Variants in CAST observed in about 807,000 individuals in gnomAD.
CAST encodes the protein MIR583 host.
In CAST, 76 loss-of-function variants were observed where a neutral mutation model predicts 119.6. The observed-to-expected ratio is 0.64, with a 90% confidence interval of 0.53 to 0.77. CAST has a LOEUF of 0.77. Ranked by LOEUF, CAST falls within the 30% of genes least tolerant of loss-of-function variation. The pLI, the probability that CAST is intolerant of heterozygous loss-of-function variation, is 0.00. For missense variants in CAST, 953 were observed against 946.5 expected (o/e 1.01, Z -0.09); for synonymous variants, 319 against 331.6 (o/e 0.96, Z 0.41).
chr5:96,391,120 A>G, the CAST span: 2 of 152,196 alleles, frequency 1.3e-5, no homozygotes, highest in South Asian at 4.1e-4. Flanking sequence ...AACACTTCAT[A>G]TCAAACAATA....
At chr5:96,499,099 G>T in the CAST span, among the ~76,000 whole-genome samples, 2 of 150,214 alleles carry the variant, frequency 1.3e-5, no homozygotes, top group African/African-American at 4.9e-5. Context: ...AAACTAAAAT[G>T]AAAATAAAAT....
intron 20 of CAST, among the ~76,000 whole-genome samples, chr5:96,751,668 A>G (rs13185207): frequency 6.6e-6 from 1 of 152,166 alleles, no homozygotes; most frequent in Non-Finnish European, 1.5e-5. Flanking sequence ...TCTGGTGAAG[A>G]AAGCAGGCAA....
chr5:96,382,187 G>A, the CAST span, among the ~76,000 whole-genome samples: 1 of 152,078 alleles, frequency 6.6e-6, no homozygotes, highest in Non-Finnish European at 1.5e-5. Flanking sequence ...TCTTTCCATA[G>A]GATTCTGTTC....
At chr5:96,321,723 A>C in the CAST span, among the ~76,000 whole-genome samples, 1 of 152,224 alleles carries the variant, frequency 6.6e-6, no homozygotes, top group South Asian at 2.1e-4. Flanking sequence ...GCTAGATTTG[A>C]ATTCTTAGCT....
At chr5:96,565,077 GGTGTGTGT>G (rs61240765) in intron 1 of CAST, among the ~76,000 whole-genome samples, 1 of 148,642 alleles carries the variant, frequency 6.7e-6, no homozygotes, top group Non-Finnish European at 1.5e-5. Flanking sequence ...ACATGGGAAA[GGTGTGTGT>G]GTGTGTGTGT....
the CAST span, among the ~76,000 whole-genome samples, chr5:96,157,627 C>T: frequency 2.6e-5 from 4 of 152,248 alleles, no homozygotes; most frequent in South Asian, 2.1e-4. Flanking sequence ...CTGTTAGCAA[C>T]GGAATTATTC....
At chr5:96,729,043 TTTCCTG>T in intron 6 of CAST, 104 bp from the exon 7 acceptor site, 1 of 708,272 alleles carries the variant, frequency 1.4e-6, no homozygotes, top group South Asian at 1.8e-5. Flanking sequence ...TAAGCGGGCT[TTTCCTG>T]AAAAAGGCAG....
chr5:96,007,828 C>T, the CAST span, among the ~76,000 whole-genome samples: 2 of 7,478 alleles, frequency 2.7e-4, 1 homozygote, highest in Non-Finnish European at 3.5e-4. Flanking sequence ...ATGGCGTGAA[C>T]CCGGGAGGCG....
At chr5:96,230,792 C>T in the CAST span, among the ~76,000 whole-genome samples, 1 of 152,080 alleles carries the variant, frequency 6.6e-6, no homozygotes, top group Non-Finnish European at 1.5e-5. Flanking sequence ...ACTCCTACAA[C>T]TCCAAAAAGA....
At chr5:96,276,300 G>A in the CAST span, among the ~76,000 whole-genome samples, 3 of 152,116 alleles carry the variant, frequency 2.0e-5, no homozygotes, top group Non-Finnish European at 4.4e-5. Flanking sequence ...TTGATATTGG[G>A]CCTCTGAACT....
At chr5:96,270,814 G>A in the CAST span, among the ~76,000 whole-genome samples, 31 of 150,426 alleles carry the variant, frequency 2.1e-4, no homozygotes, top group African/African-American at 6.4e-4. Flanking sequence ...CATGGCACAC[G>A]TTTACCTATG....
chr5:96,459,019 T>C, the CAST span, among the ~76,000 whole-genome samples: 1 of 152,138 alleles, frequency 6.6e-6, no homozygotes. Context: ...AGAGACTAAA[T>C]GTGTAAATTT....
the CAST span, among the ~76,000 whole-genome samples, chr5:96,013,328 A>T: frequency 3.3e-5 from 5 of 151,766 alleles, no homozygotes; most frequent in Non-Finnish European, 7.4e-5. Context: ...ATTAATATAT[A>T]GCTCCCACTC....
the CAST span, chr5:96,408,183 C>A: frequency 7.2e-7 from 1 of 1,385,578 alleles, no homozygotes; most frequent in Non-Finnish European, 1.0e-6. Flanking sequence ...TAAGGAGAAT[C>A]AGCCTTTGTA....
At chr5:96,466,209 C>T in the CAST span, among the ~76,000 whole-genome samples, 8 of 152,188 alleles carry the variant, frequency 5.3e-5, no homozygotes, top group South Asian at 1.4e-3. Context: ...AATTATTTTA[C>T]AAAGTTACTT....
At chr5:96,466,574 G>GT in the CAST span, among the ~76,000 whole-genome samples, 24,823 of 150,664 alleles carry the variant, frequency 0.16, 3,367 homozygotes, top group East Asian at 0.41. Flanking sequence ...TTTGTGTGGG[G>GT]TTTTTTTTTC....
At chr5:96,632,219 T>A (rs1209169093) in intron 1 of CAST, among the ~76,000 whole-genome samples, 1 of 151,714 alleles carries the variant, frequency 6.6e-6, no homozygotes, top group Non-Finnish European at 1.5e-5. Flanking sequence ...TTGGAAGAGT[T>A]GTTGATGTAT....
At position 96,728,998 on chromosome 5, in the gene CAST, C is replaced by T. The variant is rs533710310; in HGVS notation, c.379-155C>T. 9 of 591,160 alleles carry T rather than the reference C, an allele frequency of 1.5e-5. No homozygotes were observed. The African/African-American group carries it at 1.5e-4, about 10-fold the overall frequency. 36.6% of individuals were successfully genotyped at this position (591,160 alleles called of 1,614,324 possible). A position where few individuals can be genotyped will look rare whatever the true frequency, so the allele number is the denominator to read the frequency against. Reference sequence around the variant, plus strand: ...CTATTGACCTGATACCACATGTCTACTTCTGTGATCCTAAAGAGTGGGCCT... The same window carrying T: ...CTATTGACCTGATACCACATGTCTATTTCTGTGATCCTAAAGAGTGGGCCT... On this transcript the variant is annotated intron_variant, in intron 6 of 31. Coordinates refer to ENST00000675179, the MANE Select transcript of CAST (RefSeq NM_001750.7).
At chr5:96,594,864 A>G (rs1747028862) in intron 1 of CAST, among the ~76,000 whole-genome samples, 1 of 152,272 alleles carries the variant, frequency 6.6e-6, no homozygotes, top group South Asian at 2.1e-4. Context: ...TACATATAGC[A>G]AGCTCTCAAA....
Sources: gnomAD v4.1 joint callset for allele counts (sites outside exome capture counted in the v4.1 genomes callset) on GRCh38, gnomAD v4.1.1 for gene constraint, MANE v1.5 for transcripts, NCBI Gene and HGNC (gene_info 2026-07-23, HGNC 2026-07-21) for gene names.